SASH1: variants seen among roughly 807,000 people sequenced by gnomAD.
SASH1 encodes SAM and SH3 domain containing 1.
A neutral mutation model predicts 125.2 loss-of-function variants in SASH1; 44 were observed. The ratio of observed to expected loss-of-function variants is 0.35; its 90% CI spans 0.28 to 0.45. SASH1 has a LOEUF of 0.45. Among genes scored for constraint, SASH1 ranks in the 20% least tolerant of loss-of-function variants. The probability of loss-of-function intolerance (pLI) is 1.00; values close to 1 mark genes in which losing one functional copy is unlikely to be tolerated. For missense variants in SASH1, 1,426 were observed against 1,614.5 expected, an observed-to-expected ratio of 0.88 and a Z score of 2.00; for synonymous variants, 639 against 649.1, an observed-to-expected ratio of 0.98 and a Z score of 0.24.
At chr6:148,490,180 G>C (rs1252619088) in intron 8 of SASH1, among the ~76,000 whole-genome samples, 1 of 151,564 alleles carries the variant, frequency 6.6e-6, no homozygotes, top group Non-Finnish European at 1.5e-5. Flanking sequence ...AGTTCCATAG[G>C]GATGATAGGA....
chr6:148,226,162 C>T, the SASH1 span, among the ~76,000 whole-genome samples: 1 of 152,166 alleles, frequency 6.6e-6, no homozygotes, highest in Non-Finnish European at 1.5e-5. Context: ...CTGGACTCCA[C>T]ATCAGATTTT....
intron 1 of SASH1, among the ~76,000 whole-genome samples, chr6:148,318,564 T>G (rs1405778129): frequency 1.3e-5 from 2 of 151,536 alleles, no homozygotes; most frequent in Non-Finnish European, 2.9e-5. Context: ...CTTTTTTTTT[T>G]TTTTTTGAGA....
chr6:148,339,177 G>C (rs761727381), upstream of SASH1, among the ~76,000 whole-genome samples: 3 of 151,972 alleles, frequency 2.0e-5, no homozygotes, highest in Non-Finnish European at 4.4e-5. Flanking sequence ...AAAGTAGCTG[G>C]GACTACAGGC....
chr6:148,396,200 C>T (rs564748986), intron 2 of SASH1, among the ~76,000 whole-genome samples: 36 of 152,096 alleles, frequency 2.4e-4, no homozygotes, highest in East Asian at 7.7e-4. Context: ...CATTGCTGGA[C>T]GGGTGCAGTG....
At chr6:148,220,898 A>G in the SASH1 span, among the ~76,000 whole-genome samples, 1 of 152,228 alleles carries the variant, frequency 6.6e-6, no homozygotes, top group South Asian at 2.1e-4. Flanking sequence ...TGGGCAACAG[A>G]GTGAGACTGT....
chr6:148,380,968 ATAG>A (rs1214663340), intron 1 of SASH1, among the ~76,000 whole-genome samples: 1 of 152,224 alleles, frequency 6.6e-6, no homozygotes, highest in East Asian at 1.9e-4. Flanking sequence ...CACTCGGAAT[ATAG>A]TAGATGTTTA....
In SASH1 at chr6:148,468,603, T is replaced by C. The variant is rs1777957414; in HGVS notation, c.427+18T>C. The C allele has an allele frequency of 6.5e-7, 1 of 1,540,886 alleles. No individual in the cohort carries two copies. The highest frequency in any genetic ancestry group is 8.9e-7 in the Non-Finnish European group (1 of 1,121,710). On this transcript the variant is annotated intron_variant, in intron 5 of 19. Transcript: ENST00000367467. ...CTCTGTAGGTCAGTACCACTTTTCT[T>C]GGTTTACCTATTTAATTATTTCAAT...
chr6:148,351,489 C>T (rs1014883776), intron 1 of SASH1, among the ~76,000 whole-genome samples: 7 of 151,904 alleles, frequency 4.6e-5, no homozygotes, highest in African/African-American at 1.7e-4. Context: ...CATGTGTCCA[C>T]CCATCACTCT....
intron 5 of SASH1, 54 bp from the exon 6 acceptor site, chr6:148,471,363 A>AT (rs1471450460): frequency 9.2e-5 from 106 of 1,148,272 alleles, no homozygotes; most frequent in Non-Finnish European, 1.2e-4. Flanking sequence ...TTAATGATGA[A>AT]TTTATTGCTT....
chr6:148,523,223 A>G (rs1780920582), intron 10 of SASH1, among the ~76,000 whole-genome samples: 2 of 152,254 alleles, frequency 1.3e-5, no homozygotes, highest in South Asian at 4.1e-4. Flanking sequence ...AAAGCCATAC[A>G]ATGATGAGGC....
intron 1 of SASH1, among the ~76,000 whole-genome samples, chr6:148,360,391 T>C (rs1317019972): frequency 6.8e-6 from 1 of 148,048 alleles, no homozygotes; most frequent in Non-Finnish European, 1.5e-5. Flanking sequence ...TCTGTTGCCC[T>C]GGCTGGAGTG....
chr6:148,513,083 C>T (rs1364750989), intron 8 of SASH1: 2 of 985,168 alleles, frequency 2.0e-6, no homozygotes, highest in Non-Finnish European at 2.4e-6. Context: ...AGAAACTCTA[C>T]TTCTTCTTCT....
intron 8 of SASH1, among the ~76,000 whole-genome samples, chr6:148,497,003 T>C (rs762406067): frequency 4.6e-5 from 7 of 152,234 alleles, no homozygotes; most frequent in Non-Finnish European, 1.0e-4. Context: ...TAAATTTTCA[T>C]TTTATTTCGC....
intron 1 of SASH1, among the ~76,000 whole-genome samples, chr6:148,273,684 C>G (rs1779116989): frequency 6.6e-6 from 1 of 152,146 alleles, no homozygotes; most frequent in East Asian, 1.9e-4. Context: ...TCTGAGAGCC[C>G]AACCACTCAA....
chr6:148,326,385 T>TA (rs1780826397), intron 1 of SASH1, among the ~76,000 whole-genome samples: 21 of 82,930 alleles, frequency 2.5e-4, no homozygotes, highest in South Asian at 5.3e-4. Context: ...CATTCTTTTC[T>TA]TTTCTTTTCT....
intron 4 of SASH1, among the ~76,000 whole-genome samples, chr6:148,458,941 T>C (rs1777481064): frequency 6.9e-6 from 1 of 144,864 alleles, no homozygotes; most frequent in Non-Finnish European, 1.5e-5. Context: ...TATTCTAGCC[T>C]GGGTGATAGA....
In SASH1 at chr6:148,525,004, T is replaced by C. The variant is rs1449519826; in HGVS notation, c.1210-287T>C. 3 of 375,644 alleles carry C rather than the reference T, an allele frequency of 8.0e-6. No individual in the cohort carries two copies. The East Asian group carries it at 1.8e-4, about 22-fold the overall frequency. 23.3% of individuals were successfully genotyped at this position (375,644 alleles called of 1,614,324 possible). On this transcript the variant is annotated intron_variant, in intron 10 of 19. Coordinates refer to ENST00000367467, the MANE Select transcript of SASH1 (RefSeq NM_015278.5). ...ACTGGACTCATGGAGGGTTTTTCTT[T>C]TGTTTTTTAGGCTTTTTAAAAAAAA...
upstream of SASH1, among the ~76,000 whole-genome samples, chr6:148,342,406 T>C (rs1024912851): frequency 2.6e-5 from 4 of 152,198 alleles, no homozygotes; most frequent in African/African-American, 9.6e-5. Context: ...CAAAAGCGTT[T>C]CCGTGAATAG....
At chr6:148,395,894 C>T (rs1783928365) in intron 2 of SASH1, among the ~76,000 whole-genome samples, 1 of 152,206 alleles carries the variant, frequency 6.6e-6, no homozygotes, top group South Asian at 2.1e-4. Context: ...CTGGCAGTAT[C>T]AGCTTCCTCA....
Sources: allele counts gnomAD v4.1 joint callset (sites outside exome capture counted in the v4.1 genomes callset), GRCh38; gene constraint gnomAD v4.1.1; transcripts MANE v1.5; gene names NCBI Gene and HGNC (gene_info 2026-07-23, HGNC 2026-07-21).